GALNT18: variants seen among roughly 807,000 people sequenced by gnomAD.
The protein encoded by GALNT18 is GalNAc-transferase 18.
A neutral mutation model predicts 69.5 loss-of-function variants in GALNT18; 44 were observed. The ratio of observed to expected loss-of-function variants is 0.63; its 90% CI spans 0.50 to 0.81. GALNT18 has a LOEUF of 0.81. Ranked by LOEUF, GALNT18 falls within the 40% of genes least tolerant of loss-of-function variation. The pLI is 0.00. For synonymous variants in GALNT18, 364 were observed against 318.2 expected (o/e 1.14, Z -1.53); for missense variants, 715 against 810.0 (o/e 0.88, Z 1.42).
chr11:11,585,650 C>G (rs1859198914), intron 1 of GALNT18, among the ~76,000 whole-genome samples: 3 of 152,092 alleles, frequency 2.0e-5, no homozygotes. Context: ...GCCACCGCGC[C>G]CGGCCGAAAA....
intron 1 of GALNT18, among the ~76,000 whole-genome samples, chr11:11,552,744 G>T (rs1354121436): frequency 1.3e-5 from 2 of 152,168 alleles, no homozygotes; most frequent in Non-Finnish European, 2.9e-5. Context: ...CTTATGCAAA[G>T]GACTTGTCTT....
chr11:11,535,214 C>T (rs1472774250), intron 1 of GALNT18, among the ~76,000 whole-genome samples: 2 of 152,170 alleles, frequency 1.3e-5, no homozygotes, highest in African/African-American at 2.4e-5. Context: ...CCCTGGCCCC[C>T]GGCCAGTTGG....
intron 9 of GALNT18, among the ~76,000 whole-genome samples, chr11:11,311,138 C>T (rs1849666821): frequency 6.6e-6 from 1 of 152,156 alleles, no homozygotes; most frequent in South Asian, 2.1e-4. Flanking sequence ...TTGAATAGGA[C>T]AGTCCCACGC....
At chr11:11,504,535 T>C (rs1344493216) in intron 1 of GALNT18, among the ~76,000 whole-genome samples, 4 of 151,900 alleles carry the variant, frequency 2.6e-5, no homozygotes, top group South Asian at 4.2e-4. Context: ...GGCAGGTGGA[T>C]TGCTTGAGCT....
intron 3 of GALNT18, among the ~76,000 whole-genome samples, chr11:11,426,995 G>C (rs1855147302): frequency 6.6e-6 from 1 of 152,162 alleles, no homozygotes. Flanking sequence ...GTACAGGCTG[G>C]CCTTGAACTC....
At chr11:11,532,176 G>A (rs1163140691) in intron 1 of GALNT18, among the ~76,000 whole-genome samples, 1 of 151,702 alleles carries the variant, frequency 6.6e-6, no homozygotes, top group East Asian at 1.9e-4. Flanking sequence ...TGGAGGACAA[G>A]GTAAAAAAAA....
chr11:11,526,712 A>G (rs897175960), intron 1 of GALNT18, among the ~76,000 whole-genome samples: 7 of 152,102 alleles, frequency 4.6e-5, no homozygotes, highest in African/African-American at 1.7e-4. Context: ...CTGCTAGAAT[A>G]CCTGTACCAT....
At chr11:11,378,411 C>G (rs920376903) in intron 4 of GALNT18, among the ~76,000 whole-genome samples, 2 of 152,220 alleles carry the variant, frequency 1.3e-5, no homozygotes, top group African/African-American at 4.8e-5. Flanking sequence ...AAGTTACACA[C>G]AGCAGGTGGC....
chr11:11,417,206 G>A (rs1019144958), intron 3 of GALNT18, among the ~76,000 whole-genome samples: 1 of 152,192 alleles, frequency 6.6e-6, no homozygotes, highest in Non-Finnish European at 1.5e-5. Flanking sequence ...CTCAGAAGGG[G>A]CCTCCCTGAA....
chr11:11,289,290 A>G lies in GALNT18; in HGVS notation c.1677+3739T>C, dbSNP rs114255057. On this transcript the variant is annotated intron_variant, in intron 10 of 10. Transcript: ENST00000227756. ...GAGAGTGGCTGCTCTGGGTCTGAAA[A>G]CTAGGAATTCAAAAATAGTATTTCC... Among the ~76,000 whole-genome samples, 476 of 152,348 alleles carry G rather than the reference A, an allele frequency of 3.1e-3. 1 individual carries two copies. Among genetic ancestry groups the G allele is most frequent in the African/African-American group, 0.011 (462 of 41,572 alleles).
chr11:11,543,845 C>A lies in GALNT18; in HGVS notation c.235+77514G>T, dbSNP rs1264174357. ...CCATTTCTTCTTCTGGCGCTCTGGG[C>A]TCCAATGGCTTCTGGTAATATTTGC... On this transcript the variant is annotated intron_variant, in intron 1 of 10. Coordinates refer to ENST00000227756, the MANE Select transcript of GALNT18 (RefSeq NM_198516.3). This position sits in a 1 kb window ranked among gnomAD's most constrained non-coding sequence, Gnocchi z 5.1. Among the ~76,000 whole-genome samples the A allele has an allele frequency of 1.3e-5, 2 of 152,188 alleles. No individual in the cohort carries two copies. The highest frequency in any genetic ancestry group is 2.4e-5 in the African/African-American group (1 of 41,444).
At chr11:11,455,816 C>G (rs1230020305) in intron 1 of GALNT18, among the ~76,000 whole-genome samples, 1 of 152,206 alleles carries the variant, frequency 6.6e-6, no homozygotes, top group African/African-American at 2.4e-5. Flanking sequence ...GCACTGGGCA[C>G]AGTGACTCAT....
intron 1 of GALNT18, among the ~76,000 whole-genome samples, chr11:11,532,629 G>A (rs1240727314): frequency 1.3e-5 from 2 of 152,222 alleles, no homozygotes; most frequent in Non-Finnish European, 2.9e-5. Context: ...CAATGCCTGT[G>A]CTCAGATCAT....
At chr11:11,272,849 ACTT>A (rs1028358668) in intron 10 of GALNT18, among the ~76,000 whole-genome samples, 25 of 152,152 alleles carry the variant, frequency 1.6e-4, no homozygotes, top group African/African-American at 5.1e-4. Flanking sequence ...GAGGTGGCAA[ACTT>A]CTTGAAGGAT....
intron 1 of GALNT18, among the ~76,000 whole-genome samples, chr11:11,467,139 C>T (rs1427504009): frequency 6.6e-6 from 1 of 152,194 alleles, no homozygotes; most frequent in East Asian, 1.9e-4. Context: ...AGATAGACAT[C>T]ACCGTGTGTG....
intron 1 of GALNT18, among the ~76,000 whole-genome samples, chr11:11,577,909 C>G (rs1858964863): frequency 6.6e-6 from 1 of 152,178 alleles, no homozygotes; most frequent in Non-Finnish European, 1.5e-5. Context: ...TACAGATTGG[C>G]AGGGGCATTT....
At chr11:11,371,576 C>T (rs554187977) in intron 6 of GALNT18, among the ~76,000 whole-genome samples, 2 of 152,128 alleles carry the variant, frequency 1.3e-5, no homozygotes, top group African/African-American at 4.8e-5. Flanking sequence ...ATCGGCAAGC[C>T]TGTAGAGTGT....
At chr11:11,373,372 G>A (rs1357280769) in intron 5 of GALNT18, among the ~76,000 whole-genome samples, 1 of 152,240 alleles carries the variant, frequency 6.6e-6, no homozygotes, top group Non-Finnish European at 1.5e-5. Flanking sequence ...CTTCAAAATA[G>A]ATGAACTACA....
At chr11:11,479,636 C>A (rs1414124301) in intron 1 of GALNT18, among the ~76,000 whole-genome samples, 1 of 152,086 alleles carries the variant, frequency 6.6e-6, no homozygotes, top group African/African-American at 2.4e-5. Context: ...AAAAAATAAT[C>A]TAAAAATAAT....
Sources: gnomAD v4.1 joint callset for allele counts (sites outside exome capture counted in the v4.1 genomes callset) on GRCh38, gnomAD v4.1.1 for gene constraint, Gnocchi (gnomAD v3.1) non-coding constraint, MANE v1.5 for transcripts, NCBI Gene and HGNC (gene_info 2026-07-23, HGNC 2026-07-21) for gene names.